GJB1: variants seen among roughly 807,000 people sequenced by gnomAD.
GJB1 encodes gap junction beta-1 protein.
Under a neutral mutation model 12.0 loss-of-function variants are expected in GJB1, and 1 was observed. That is an observed-to-expected ratio of 0.08 (90% CI 0.03 to 0.40). The LOEUF is 0.40. Ranked by LOEUF, GJB1 falls within the 10% of genes least tolerant of loss-of-function variation. GJB1 has a pLI of 0.98. For synonymous variants in GJB1, 114 were observed against 102.8 expected (o/e 1.11, Z -0.66); for missense variants, 140 against 250.3 (o/e 0.56, Z 2.97).
At chrX:71,215,851 G>T (rs1013363613) in intron 1 of GJB1, among the ~76,000 whole-genome samples, 1 of 107,114 alleles carries the variant, frequency 9.3e-6, no homozygotes, top group African/African-American at 3.4e-5. Context: ...AGCTGAACTT[G>T]GAGTAATTGA....
In GJB1 at chrX:71,223,981, G is replaced by A. The variant is rs369174219; in HGVS notation, c.274G>A (p.Ala92Thr). 1 of 1,203,054 alleles carries A rather than the reference G, an allele frequency of 8.3e-7. No homozygotes were observed. Among genetic ancestry groups the A allele is most frequent in the South Asian group, 1.8e-5 (1 of 55,803 alleles). The change falls in exon 2 of 2, where the codon GCC becomes ACC. Residue 92 changes from alanine (A) to threonine (T), a missense_variant. By Grantham distance (58) the Ala-to-Thr change is moderately conservative (BLOSUM62 0). Transcript: ENST00000361726. ...AGTTTCCACCCCAGCTCTCCTCGTGGCCATGCACGTGGCTCACCAGCAACA... is the reference window on the plus strand; with the variant it reads ...AGTTTCCACCCCAGCTCTCCTCGTGACCATGCACGTGGCTCACCAGCAACA... Reference protein sequence around the residue: ...ILVSTPALLVAMHVAHQQHIE... With the variant: ...ILVSTPALLVTMHVAHQQHIE...
At chrX:71,217,869 G>T (rs1220897888) in intron 1 of GJB1, 3 of 111,734 alleles carry the variant, frequency 2.7e-5, no homozygotes, top group Non-Finnish European at 5.6e-5. Context: ...GGTTTGCTTT[G>T]CAGTTTGAGG....
chrX:71,221,370 TA>T (rs2092537823), upstream of GJB1, among the ~76,000 whole-genome samples: 1 of 110,303 alleles, frequency 9.1e-6, no homozygotes, highest in African/African-American at 3.3e-5. Flanking sequence ...TTTATTTAGC[TA>T]AATGAAGAAA....
upstream of GJB1, chrX:71,223,213 TC>T: frequency 5.4e-6 from 1 of 183,630 alleles, no homozygotes. Flanking sequence ...AGCATATGAC[TC>T]CCCAGCACCG....
intron 1 of GJB1, among the ~76,000 whole-genome samples, chrX:71,216,057 G>C (rs910120831): frequency 9.1e-6 from 1 of 109,731 alleles, no homozygotes; most frequent in Non-Finnish European, 1.9e-5. Flanking sequence ...TTTTAGTAGA[G>C]ACGGGGTTTC....
chrX:71,224,349 C>T lies in GJB1; in HGVS notation c.642C>T (p.Ile214=), dbSNP rs376105523. The T allele has an allele frequency of 2.5e-6, 3 of 1,207,037 alleles. No homozygotes were observed. In the African/African-American group the frequency reaches 5.3e-5, roughly 21 times the overall value. The part of the protein sequence containing the change: ...LNVAEVVYLI[I]RACARRAQRR... ...TGGCCGAGGTGGTGTACCTCATCAT[C>T]CGGGCCTGTGCCCGCCGAGCCCAGC... The change falls in exon 2 of 2, where the codon ATC becomes ATT. Residue 214 remains isoleucine (I), a synonymous_variant. Transcript: ENST00000361726.
rs1205517517 is a variant in GJB1 at position 71,225,442 on chromosome X, A to G, written c.*883A>G. On this transcript the variant is annotated 3_prime_UTR_variant, in exon 2 of 2. Coordinates refer to ENST00000361726, the MANE Select transcript of GJB1 (RefSeq NM_000166.6). The stretch of plus-strand genomic sequence containing the variant: ...CTTGTCTTTTTCATTGTCTAATAAC[A>G]GCTTTATTGGGATTTAGTTTACATA... 1 of 123,102 alleles carries G rather than the reference A, an allele frequency of 8.1e-6. No homozygotes were observed. The highest frequency in any genetic ancestry group is 3.3e-5 in the African/African-American group (1 of 30,760). 10.1% of individuals were successfully genotyped at this position (123,102 alleles called of 1,213,427 possible).
upstream of GJB1, among the ~76,000 whole-genome samples, chrX:71,221,270 C>T (rs6624545): frequency 0.26 from 29,423 of 111,220 alleles, 2,911 homozygotes; most frequent in East Asian, 0.35. Context: ...AAAGGGCACC[C>T]ATAGCCCTGC....
chrX:71,221,044 A>C (rs1263197195), upstream of GJB1, among the ~76,000 whole-genome samples: 14 of 107,777 alleles, frequency 1.3e-4, no homozygotes, highest in Admixed American at 3.1e-4. Flanking sequence ...TTACAGGTGC[A>C]TGCCACTACA....
intron 1 of GJB1, among the ~76,000 whole-genome samples, chrX:71,215,576 C>T (rs1412055091): frequency 8.9e-6 from 1 of 111,999 alleles, no homozygotes; most frequent in African/African-American, 3.2e-5. Context: ...CTCAGGAAGA[C>T]TTGAGGGACC....
intron 1 of GJB1, among the ~76,000 whole-genome samples, chrX:71,216,394 C>T (rs752683217): frequency 6.6e-4 from 73 of 110,584 alleles, no homozygotes; most frequent in Non-Finnish European, 9.4e-5. Context: ...CTCTGAGCTC[C>T]AGCACTTGCT....
At chrX:71,217,278 G>T (rs2092527584) in intron 1 of GJB1, among the ~76,000 whole-genome samples, 1 of 112,419 alleles carries the variant, frequency 8.9e-6, no homozygotes, top group Non-Finnish European at 1.9e-5. Context: ...AATAAACTTG[G>T]AACTTGATTC....
chrX:71,215,666 G>T (rs1400867958), intron 1 of GJB1, among the ~76,000 whole-genome samples: 3 of 111,518 alleles, frequency 2.7e-5, no homozygotes, highest in Non-Finnish European at 5.7e-5. Context: ...GGAATGTTGG[G>T]CACTGCCAGG....
chrX:71,220,890 C>CTTTTTTTT (rs869189116), upstream of GJB1, among the ~76,000 whole-genome samples: 7 of 34,493 alleles, frequency 2.0e-4, no homozygotes, highest in East Asian at 1.3e-3. Context: ...TGTTTCTTTC[C>CTTTTTTTT]TTTTTTTTTT....
At chrX:71,221,328 TTTA>T (rs2092537673), upstream of GJB1, among the ~76,000 whole-genome samples, 4 of 23,225 alleles carry the variant, frequency 1.7e-4, no homozygotes, top group Admixed American at 1.3e-3. Flanking sequence ...AGGCTTTTTA[TTTA>T]TTTATTTATT....
At chrX:71,222,784 GCA>G (rs765128019), upstream of GJB1, 1 of 111,186 alleles carries the variant, frequency 9.0e-6, no homozygotes, top group South Asian at 3.7e-4. Flanking sequence ...ACAACGCTCA[GCA>G]CAGTTTGTGG....
upstream of GJB1, chrX:71,223,073 G>A (rs1259765652): frequency 8.4e-6 from 1 of 119,016 alleles, no homozygotes; most frequent in African/African-American, 3.2e-5. Context: ...GTGCAGGCTG[G>A]GTGTCCGGCG....
Position 71,224,704 on chromosome X carries a change from G to A in GJB1, c.*145G>A, listed in dbSNP as rs1379809909. 3.4e-6 allele frequency: 2 copies of A among 581,422 alleles called. No homozygotes were observed. The highest frequency in any genetic ancestry group is 3.6e-5 in the East Asian group (1 of 27,841). The allele number at this position is 581,422 out of a possible 1,213,427, so 47.9% of individuals were successfully genotyped here. On this transcript the variant is annotated 3_prime_UTR_variant, in exon 2 of 2. Coordinates refer to ENST00000361726, the MANE Select transcript of GJB1 (RefSeq NM_000166.6). ...TCCCTGGCTACTTCCCTTCCTCCCG[G>A]GGCCTTCCTTTTGAGGAGCTGGAGG...
chrX:71,222,057 G>T (rs1316028469), upstream of GJB1, among the ~76,000 whole-genome samples: 1 of 110,306 alleles, frequency 9.1e-6, no homozygotes, highest in Admixed American at 9.8e-5. Context: ...TGGGAGGATC[G>T]CTGGAGCCCA....
Sources: allele counts gnomAD v4.1 joint callset (sites outside exome capture counted in the v4.1 genomes callset), GRCh38; gene constraint gnomAD v4.1.1; transcripts MANE v1.5; gene names NCBI Gene and HGNC (gene_info 2026-07-23, HGNC 2026-07-21).